CHST9: variants seen among roughly 807,000 people sequenced by gnomAD.
CHST9 encodes carbohydrate sulfotransferase 9, also known as GalNAc-4-sulfotransferase 2.
In CHST9, 41 loss-of-function variants were observed where a neutral mutation model predicts 44.4. The ratio of observed to expected loss-of-function variants is 0.92; its 90% CI spans 0.72 to 1.20. The LOEUF is 1.20. CHST9 is among the 50% of genes most tolerant of loss of function. The pLI is 0.00. For missense variants in CHST9, 504 were observed against 516.5 expected (o/e 0.98, Z 0.23); for synonymous variants, 171 against 178.4 (o/e 0.96, Z 0.33).
chr18:27,016,347 G>T (rs1279829824), intron 4 of CHST9, among the ~76,000 whole-genome samples: 2 of 152,080 alleles, frequency 1.3e-5, no homozygotes, highest in African/African-American at 2.4e-5. Context: ...CCTGCCTAAG[G>T]ATTTCATCTT....
intron 5 of CHST9, among the ~76,000 whole-genome samples, chr18:26,931,199 C>G (rs1262369923): frequency 6.6e-6 from 1 of 152,186 alleles, no homozygotes; most frequent in Non-Finnish European, 1.5e-5. Flanking sequence ...GATGCTGTAT[C>G]ATTACCCCCT....
intron 3 of CHST9, among the ~76,000 whole-genome samples, chr18:27,044,309 G>C (rs2057475829): frequency 6.6e-6 from 1 of 151,912 alleles, no homozygotes; most frequent in African/African-American, 2.4e-5. Context: ...TTAAGAACAA[G>C]TCCTGGACCA....
intron 4 of CHST9, among the ~76,000 whole-genome samples, chr18:26,980,273 G>A (rs1378992621): frequency 6.6e-6 from 1 of 152,226 alleles, no homozygotes; most frequent in East Asian, 1.9e-4. Context: ...AGAGGCAAAT[G>A]TAATAAATTA....
intron 3 of CHST9, among the ~76,000 whole-genome samples, chr18:27,045,951 G>A (rs1404548921): frequency 6.6e-6 from 1 of 151,928 alleles, no homozygotes; most frequent in Non-Finnish European, 1.5e-5. Context: ...TGTAATCTTT[G>A]GAACATGATT....
At chr18:26,995,867 A>G (rs1465904018) in intron 4 of CHST9, among the ~76,000 whole-genome samples, 2 of 152,222 alleles carry the variant, frequency 1.3e-5, no homozygotes, top group African/African-American at 2.4e-5. Context: ...TTTTCGTTCT[A>G]TAATAATTTA....
chr18:26,927,478 T>A (rs1224033755), intron 5 of CHST9, among the ~76,000 whole-genome samples: 2 of 152,134 alleles, frequency 1.3e-5, no homozygotes, highest in Non-Finnish European at 2.9e-5. Context: ...GAGGGGGATG[T>A]GGCAGGACAA....
intron 5 of CHST9, among the ~76,000 whole-genome samples, chr18:26,929,066 G>A (rs1368334207): frequency 6.6e-6 from 1 of 152,148 alleles, no homozygotes; most frequent in Non-Finnish European, 1.5e-5. Context: ...ACCATAGTAA[G>A]AGGTCTCAAT....
intron 4 of CHST9, among the ~76,000 whole-genome samples, chr18:27,016,807 A>G (rs2057160662): frequency 6.6e-6 from 1 of 152,186 alleles, no homozygotes; most frequent in African/African-American, 2.4e-5. Flanking sequence ...TGCACATATG[A>G]TATTAAAGAC....
chr18:27,147,934 G>T (rs1273716952), intron 1 of CHST9, among the ~76,000 whole-genome samples: 1 of 151,368 alleles, frequency 6.6e-6, no homozygotes, highest in Admixed American at 6.6e-5. Context: ...CGTAACAGGG[G>T]TTTGTTGTAC....
chr18:26,988,854 T>C (rs2056784273), intron 4 of CHST9, among the ~76,000 whole-genome samples: 1 of 152,098 alleles, frequency 6.6e-6, no homozygotes. Flanking sequence ...CTGGCCATAA[T>C]GGAATTAAAT....
chr18:26,916,512 C>T lies in CHST9; in HGVS notation c.1079G>A (p.Cys360Tyr). ...WEKVSKLCYPCLINYDFVGKF... is the reference protein window; with the variant it reads ...WEKVSKLCYPYLINYDFVGKF... ...CCCTACAAAATCATAGTTGATCAAA[C>T]ACGGATAGCAGAGTTTGCTGACCTT... The change falls in exon 6 of 6, where the codon TGT becomes TAT. Residue 360 changes from cysteine (C) to tyrosine (Y), a missense_variant. Transcript: ENST00000618847. The T allele has an allele frequency of 6.2e-7, 1 of 1,613,844 alleles. No individual in the cohort carries two copies. The highest frequency in any genetic ancestry group is 8.5e-7 in the Non-Finnish European group (1 of 1,179,782).
intron 4 of CHST9, among the ~76,000 whole-genome samples, chr18:27,010,584 G>A (rs2057071497): frequency 6.6e-6 from 1 of 152,158 alleles, no homozygotes; most frequent in South Asian, 2.1e-4. Flanking sequence ...GATGAGGAAC[G>A]AAACTGCTCT....
chr18:27,041,254 T>C (rs58078147), intron 3 of CHST9, among the ~76,000 whole-genome samples: 168 of 152,282 alleles, frequency 1.1e-3, no homozygotes, highest in Middle Eastern at 3.4e-3. Flanking sequence ...CTATTTCAAT[T>C]GGGAATTATT....
At chr18:26,923,112 C>T (rs370206644) in intron 5 of CHST9, among the ~76,000 whole-genome samples, 178 of 152,222 alleles carry the variant, frequency 1.2e-3, no homozygotes, top group Non-Finnish European at 1.6e-3. Context: ...AAGACAAGTG[C>T]GGACTTTATT....
chr18:27,114,120 T>C (rs2058299217), intron 2 of CHST9, among the ~76,000 whole-genome samples: 1 of 152,224 alleles, frequency 6.6e-6, no homozygotes, highest in African/African-American at 2.4e-5. Flanking sequence ...ACTTGCTTAG[T>C]GGACTGAAGT....
intron 4 of CHST9, among the ~76,000 whole-genome samples, chr18:26,975,286 T>C (rs1325507873): frequency 6.6e-6 from 1 of 152,120 alleles, no homozygotes; most frequent in Non-Finnish European, 1.5e-5. Flanking sequence ...TCCTTTTTAC[T>C]TGTATAAATG....
intron 4 of CHST9, among the ~76,000 whole-genome samples, chr18:26,993,901 G>A (rs1178459714): frequency 3.9e-5 from 6 of 152,222 alleles, no homozygotes; most frequent in Non-Finnish European, 8.8e-5. Context: ...GAGGTTAGAA[G>A]TCCAAGGGCA....
intron 2 of CHST9, among the ~76,000 whole-genome samples, chr18:27,091,919 T>A (rs187184242): frequency 3.3e-5 from 5 of 152,338 alleles, no homozygotes; most frequent in Admixed American, 3.3e-4. Flanking sequence ...TTTTTTGTTG[T>A]GTCTCTGCCA....
intron 2 of CHST9, among the ~76,000 whole-genome samples, chr18:27,109,408 T>C (rs2058250526): frequency 6.6e-6 from 1 of 152,236 alleles, no homozygotes; most frequent in African/African-American, 2.4e-5. Context: ...TTTTAAATTG[T>C]GCTGAGAAGT....
Sources: allele counts gnomAD v4.1 joint callset (sites outside exome capture counted in the v4.1 genomes callset), GRCh38; gene constraint gnomAD v4.1.1; transcripts MANE v1.5; gene names NCBI Gene and HGNC (gene_info 2026-07-23, HGNC 2026-07-21).